The following SLMAP variants were observed in gnomAD, a reference collection of about 807,000 sequenced individuals.
The protein encoded by SLMAP is sarcolemma associated protein.
In SLMAP, 44 loss-of-function variants were observed where a neutral mutation model predicts 128.8. That is an observed-to-expected ratio of 0.34 (90% CI 0.27 to 0.44). The LOEUF (loss-of-function observed/expected upper bound fraction) is 0.44, where lower values mean the gene tolerates loss of function less well. Ranked by LOEUF, SLMAP falls within the 20% of genes least tolerant of loss-of-function variation. The pLI is 1.00. For missense variants in SLMAP, 787 were observed against 985.3 expected (o/e 0.80, Z 2.69); for synonymous variants, 327 against 348.8 (o/e 0.94, Z 0.70).
intron 2 of SLMAP, among the ~76,000 whole-genome samples, chr3:57,779,778 A>G (rs2082639211): frequency 6.6e-6 from 1 of 151,908 alleles, no homozygotes; most frequent in Admixed American, 6.6e-5. Context: ...AAGCAGAAAA[A>G]CCTTAACTTC....
chr3:57,879,949 CAA>C (rs200618505), intron 14 of SLMAP, among the ~76,000 whole-genome samples: 2 of 108,290 alleles, frequency 1.8e-5, no homozygotes, highest in Non-Finnish European at 1.9e-5. Context: ...GACTCTGTCT[CAA>C]AAAAAAAAAA....
intron 4 of SLMAP, 36 bp from the exon 5 acceptor site, chr3:57,847,161 G>A (rs192808126): frequency 4.1e-5 from 59 of 1,435,722 alleles, no homozygotes; most frequent in African/African-American, 1.1e-4. Flanking sequence ...TCTATTGTCC[G>A]GATATTAGAT....
At chr3:57,913,966 CA>C (rs952033233) in intron 21 of SLMAP, among the ~76,000 whole-genome samples, 26 of 138,214 alleles carry the variant, frequency 1.9e-4, no homozygotes, top group East Asian at 4.2e-4. Flanking sequence ...TCAAACAAAC[CA>C]AAAAAAAAAA....
chr3:57,880,411 C>T (rs184713615), intron 14 of SLMAP, among the ~76,000 whole-genome samples: 5 of 152,076 alleles, frequency 3.3e-5, no homozygotes, highest in East Asian at 3.9e-4. Flanking sequence ...TCATTTTGGC[C>T]GGGCTGGTCT....
intron 6 of SLMAP, among the ~76,000 whole-genome samples, chr3:57,851,133 A>G (rs901961284): frequency 2.0e-5 from 3 of 152,220 alleles, no homozygotes; most frequent in African/African-American, 7.2e-5. Flanking sequence ...AGAGGCAGGA[A>G]GATTTAATAA....
At chr3:57,906,321 T>TTTTTGTTTG (rs2096559713) in intron 17 of SLMAP, among the ~76,000 whole-genome samples, 1 of 126,746 alleles carries the variant, frequency 7.9e-6, no homozygotes, top group African/African-American at 2.9e-5. Context: ...TTTTTTTTTT[T>TTTTTGTTTG]TTTTTTTTTT....
intron 6 of SLMAP, among the ~76,000 whole-genome samples, chr3:57,853,873 G>A (rs144362645): frequency 0.011 from 1,637 of 145,220 alleles, 36 homozygotes; most frequent in African/African-American, 0.038. Context: ...CCCAGGAGGC[G>A]GAGGCTGCGG....
rs553559296 is a variant in SLMAP, at chr3:57,820,562, G to T, written c.199-10821G>T. Among the ~76,000 whole-genome samples the T allele has an allele frequency of 5.3e-5, 8 of 152,250 alleles. 1 individual carries two copies. In the South Asian group the frequency reaches 1.5e-3, roughly 28 times the overall value. On this transcript the variant is annotated intron_variant, in intron 2 of 24. Coordinates refer to ENST00000671191, the MANE Select transcript of SLMAP (RefSeq NM_001377540.1). ...CTCTCAGAACTGTATCTGTAAACGC[G>T]AGGGCAAATGGTCCAAGGTTCCATA...
intron 2 of SLMAP, among the ~76,000 whole-genome samples, chr3:57,801,822 G>A (rs1352186147): frequency 6.6e-6 from 1 of 151,724 alleles, no homozygotes; most frequent in Admixed American, 6.6e-5. Context: ...GTGCCAGTTG[G>A]CACAACAGGT....
At chr3:57,826,879 C>T (rs1341077929) in intron 2 of SLMAP, among the ~76,000 whole-genome samples, 1 of 152,174 alleles carries the variant, frequency 6.6e-6, no homozygotes, top group Non-Finnish European at 1.5e-5. Flanking sequence ...TATCCTTCTG[C>T]ACAGATGCTG....
chr3:57,869,028 A>G (rs1224352511), intron 13 of SLMAP, among the ~76,000 whole-genome samples: 1 of 138,856 alleles, frequency 7.2e-6, no homozygotes, highest in East Asian at 2.0e-4. Flanking sequence ...TATGTGTATT[A>G]TATATATAAT....
chr3:57,881,624 A>C (rs181998748), intron 14 of SLMAP, among the ~76,000 whole-genome samples: 1 of 152,008 alleles, frequency 6.6e-6, no homozygotes, highest in Non-Finnish European at 1.5e-5. Flanking sequence ...TGCCCGGCTA[A>C]TTTTTGTATT....
chr3:57,875,794 T>C (rs2095592469), intron 14 of SLMAP, among the ~76,000 whole-genome samples: 1 of 152,248 alleles, frequency 6.6e-6, no homozygotes. Context: ...CTGGTTTGAC[T>C]TGTCAGAAGG....
intron 2 of SLMAP, among the ~76,000 whole-genome samples, chr3:57,760,201 A>G (rs1342586534): frequency 6.6e-6 from 1 of 152,184 alleles, no homozygotes; most frequent in Non-Finnish European, 1.5e-5. Context: ...CGGCCTCCCA[A>G]AGTGCTGGAA....
At chr3:57,779,423 T>A (rs1185855481) in intron 2 of SLMAP, among the ~76,000 whole-genome samples, 1 of 150,914 alleles carries the variant, frequency 6.6e-6, no homozygotes, top group Admixed American at 6.6e-5. Context: ...GTGGGAGGAT[T>A]GCTTGAGCCC....
In SLMAP at chr3:57,927,604, C is replaced by T; in HGVS notation, c.*315C>T. On this transcript the variant is annotated 3_prime_UTR_variant, in exon 25 of 25. Coordinates refer to ENST00000671191, the MANE Select transcript of SLMAP (RefSeq NM_001377540.1). ...TTATTCTACTGTAAGCAATAATTTG[C>T]TTGCAATTTTTCATGTAATTTTTAA... The T allele has an allele frequency of 7.0e-6, 2 of 285,656 alleles. No homozygotes were observed. The highest frequency in any genetic ancestry group is 1.3e-5 in the Non-Finnish European group (2 of 155,580). The allele number at this position is 285,656 out of a possible 1,614,324, so 17.7% of individuals were successfully genotyped here.
intron 2 of SLMAP, among the ~76,000 whole-genome samples, chr3:57,790,317 TG>T (rs1190727577): frequency 6.6e-6 from 1 of 152,192 alleles, no homozygotes; most frequent in Non-Finnish European, 1.5e-5. Context: ...CTGCTTACTA[TG>T]GGGAAGAATG....
intron 2 of SLMAP, among the ~76,000 whole-genome samples, chr3:57,788,676 A>C (rs1404816494): frequency 6.6e-6 from 1 of 152,216 alleles, no homozygotes; most frequent in South Asian, 2.1e-4. Flanking sequence ...GTGAAGTACA[A>C]AGCAGGGGAG....
rs1553775402 is a variant in SLMAP, at chr3:57,776,522, C to CTTTT, written c.198+18691_198+18694dup. ...ATTTGTCCCTTCTCTCTCTCTCTCT[C>CTTTT]TTTTTTTTTTTTTTTTTTTTTGAGA... On this transcript the variant is annotated intron_variant, in intron 2 of 24. Coordinates refer to ENST00000671191, the MANE Select transcript of SLMAP (RefSeq NM_001377540.1). Among the ~76,000 whole-genome samples the CTTTT allele has an allele frequency of 2.8e-4, 26 of 92,600 alleles. 1 individual carries two copies. The highest frequency in any genetic ancestry group is 7.1e-3 in the Middle Eastern group (1 of 140). 60.7% of individuals were successfully genotyped at this position (92,600 alleles called of 152,430 possible). A position where few individuals can be genotyped will look rare whatever the true frequency, so the allele number is the denominator to read the frequency against.
Sources: allele counts gnomAD v4.1 joint callset (sites outside exome capture counted in the v4.1 genomes callset), GRCh38; gene constraint gnomAD v4.1.1; transcripts MANE v1.5; gene names NCBI Gene and HGNC (gene_info 2026-07-23, HGNC 2026-07-21).